The following PFKP variants were observed in gnomAD, a reference collection of about 807,000 sequenced individuals.
The protein encoded by PFKP is ATP-dependent 6-phosphofructokinase, platelet type.
Under a neutral mutation model 94.3 loss-of-function variants are expected in PFKP, and 101 were observed. The ratio of observed to expected loss-of-function variants is 1.07; its 90% confidence interval spans 0.91 to 1.26. PFKP has a LOEUF of 1.26. PFKP is among the 50% of genes most tolerant of loss of function. The probability of loss-of-function intolerance (pLI) is 0.00; values close to 1 mark genes in which losing one functional copy is unlikely to be tolerated. For synonymous variants in PFKP, 573 were observed against 432.6 expected (o/e 1.32, Z -4.03); for missense variants, 1,145 against 1,103.3 (o/e 1.04, Z -0.53).
At chr10:3,129,575 C>A in intron 16 of PFKP, 1 of 509,518 alleles carries the variant, frequency 2.0e-6, no homozygotes, top group South Asian at 2.5e-5. Context: ...ATGGCCAGGC[C>A]CCCAAAACGG....
intron 5 of PFKP, chr10:3,104,697 A>G (rs1344117886): frequency 4.1e-6 from 1 of 246,210 alleles, no homozygotes; most frequent in Non-Finnish European, 7.9e-6. Context: ...CTGGGCATTA[A>G]GCACTTAGTG....
rs551580779 is a variant in PFKP, at chr10:3,090,230, C to T, written c.186+7769C>T. Among the ~76,000 whole-genome samples, 297 of 152,318 alleles carry T rather than the reference C, an allele frequency of 1.9e-3. 2 individuals carry two copies. The highest frequency in any genetic ancestry group is 4.5e-3 in the Admixed American group (69 of 15,298). Reference sequence around the variant, plus strand: ...CCTGCTTTTTAAAATCCCAAGTCTTCTGAGTCCTGGCCTGCCTCTCAGACC... The same window carrying T: ...CCTGCTTTTTAAAATCCCAAGTCTTTTGAGTCCTGGCCTGCCTCTCAGACC... On this transcript the variant is annotated intron_variant, in intron 2 of 21. Coordinates refer to ENST00000381125, the MANE Select transcript of PFKP (RefSeq NM_002627.5).
chr10:3,096,218 C>T (rs963996465), intron 2 of PFKP, among the ~76,000 whole-genome samples: 15 of 152,078 alleles, frequency 9.9e-5, no homozygotes, highest in Admixed American at 2.6e-4. Context: ...AAGCAGCGTC[C>T]GGGATAGCGC....
intron 14 of PFKP, among the ~76,000 whole-genome samples, chr10:3,118,250 G>T (rs1462703639): frequency 1.3e-5 from 2 of 152,098 alleles, no homozygotes; most frequent in Non-Finnish European, 1.5e-5. Context: ...AGGTGGATCA[G>T]GAGGTCAAGA....
chr10:3,116,917 C>A, intron 14 of PFKP, 71 bp downstream of exon 14: 1 of 1,191,508 alleles, frequency 8.4e-7, no homozygotes, highest in Non-Finnish European at 1.3e-6. Context: ...GGGAGAGAAT[C>A]GCTGGGTGCC....
intron 7 of PFKP, among the ~76,000 whole-genome samples, chr10:3,106,462 C>T (rs73573181): frequency 6.6e-6 from 1 of 151,394 alleles, no homozygotes; most frequent in African/African-American, 2.4e-5. Context: ...CCCATGGGAA[C>T]CCCTGTCAAT....
intron 16 of PFKP, among the ~76,000 whole-genome samples, chr10:3,121,252 G>A (rs1474066005): frequency 4.2e-5 from 6 of 142,908 alleles, no homozygotes; most frequent in African/African-American, 1.7e-4. Context: ...TGACCTAGAC[G>A]TTGCTTCTGT....
intron 11 of PFKP, 21 bp downstream of exon 11, chr10:3,112,307 C>G (rs1387700318): frequency 1.9e-6 from 3 of 1,599,550 alleles, no homozygotes; most frequent in Non-Finnish European, 2.6e-6. Flanking sequence ...TTGGAGAAAG[C>G]TCTGCCCTGT....
chr10:3,118,764 C>G lies in PFKP; in HGVS notation c.1443-18C>G. The G allele has an allele frequency of 6.3e-7, 1 of 1,598,548 alleles. No homozygotes were observed. The highest frequency in any genetic ancestry group is 8.6e-7 in the Non-Finnish European group (1 of 1,166,664). ...AGTTTGGGGTGTCTGACATCGTTCT[C>G]CACGTGGCTATTTTCAGCGTTCTCC... On this transcript the variant is annotated intron_variant, in intron 14 of 21. Transcript: ENST00000381125.
At chr10:3,096,393 A>G (rs558320177) in intron 2 of PFKP, among the ~76,000 whole-genome samples, 157 of 152,176 alleles carry the variant, frequency 1.0e-3, no homozygotes, top group Non-Finnish European at 2.0e-3. Context: ...AAAAAACTGC[A>G]TGCACAGAAA....
At chr10:3,122,599 C>A (rs1362981950) in intron 16 of PFKP, among the ~76,000 whole-genome samples, 1 of 152,170 alleles carries the variant, frequency 6.6e-6, no homozygotes, top group Non-Finnish European at 1.5e-5. Flanking sequence ...GGCTCCGGGT[C>A]CCCCCGGCCA....
At chr10:3,108,342 G>A (rs1835840121) in intron 8 of PFKP, among the ~76,000 whole-genome samples, 1 of 152,156 alleles carries the variant, frequency 6.6e-6, no homozygotes, top group Admixed American at 6.5e-5. Context: ...AATTAAAGCT[G>A]GTTCAAGGAA....
At chr10:3,121,583 T>TG (rs1317338791) in intron 16 of PFKP, among the ~76,000 whole-genome samples, 1 of 16,102 alleles carries the variant, frequency 6.2e-5, no homozygotes, top group Non-Finnish European at 1.5e-4. Context: ...AAATAACTGT[T>TG]TTTTTTTTTT....
chr10:3,100,735 C>T (rs1051076283), intron 3 of PFKP, among the ~76,000 whole-genome samples: 1 of 152,014 alleles, frequency 6.6e-6, no homozygotes, highest in Non-Finnish European at 1.5e-5. Flanking sequence ...GTGGATCCCA[C>T]CAACAATTCT....
At chr10:3,125,203 C>T in intron 16 of PFKP, 1 of 1,348,374 alleles carries the variant, frequency 7.4e-7, no homozygotes, top group Non-Finnish European at 9.9e-7. Context: ...GTCCCAGGCA[C>T]AGAAATAAGC....
chr10:3,067,723 C>T lies in PFKP; in HGVS notation c.112+16C>T. On this transcript the variant is annotated intron_variant, in intron 1 of 21. Coordinates refer to ENST00000381125, the MANE Select transcript of PFKP (RefSeq NM_002627.5). ...GATGCTCAAGGTGCGCGCCCCCCTC[C>T]CGGCGGCGAGGGAGGGACGGACGGA... 2 of 1,399,348 alleles carry T rather than the reference C, an allele frequency of 1.4e-6. No individual in the cohort carries two copies. Among genetic ancestry groups the T allele is most frequent in the Non-Finnish European group, 1.9e-6 (2 of 1,044,862 alleles). 86.7% of individuals were successfully genotyped at this position (1,399,348 alleles called of 1,614,324 possible).
chr10:3,075,611 A>T (rs1588384888), intron 1 of PFKP, among the ~76,000 whole-genome samples: 1 of 145,580 alleles, frequency 6.9e-6, no homozygotes, highest in Non-Finnish European at 1.5e-5. Context: ...GGGGGCCGGG[A>T]GTGGGGGACT....
intron 16 of PFKP, chr10:3,124,986 T>A: frequency 1.1e-6 from 1 of 885,946 alleles, no homozygotes; most frequent in Non-Finnish European, 1.4e-6. Flanking sequence ...TGAACCGGCT[T>A]CCCCTGGTGA....
At chr10:3,111,201 C>T (rs1836200949) in intron 10 of PFKP, among the ~76,000 whole-genome samples, 1 of 149,760 alleles carries the variant, frequency 6.7e-6, no homozygotes, top group East Asian at 2.0e-4. Flanking sequence ...GTAGTATGTG[C>T]CTGCATGTTT....
Sources: gnomAD v4.1 joint callset for allele counts (sites outside exome capture counted in the v4.1 genomes callset) on GRCh38, gnomAD v4.1.1 for gene constraint, MANE v1.5 for transcripts, NCBI Gene and HGNC (gene_info 2026-07-23, HGNC 2026-07-21) for gene names.